CNTNAP2: variants seen among roughly 807,000 people sequenced by gnomAD.
CNTNAP2 encodes contactin associated protein 2.
CNTNAP2 carries 98 observed loss-of-function variants against 155.2 expected under a neutral mutation model. The observed-to-expected ratio is 0.63, with a 90% confidence interval of 0.54 to 0.75. The LOEUF is 0.75. CNTNAP2 is among the 30% of genes least tolerant of loss of function. CNTNAP2 has a pLI of 0.00. For synonymous variants in CNTNAP2, 651 were observed against 631.2 expected, an observed-to-expected ratio of 1.03 and a Z score of -0.47; for missense variants, 1,727 against 1,688.1, an observed-to-expected ratio of 1.02 and a Z score of -0.40.
intron 8 of CNTNAP2, among the ~76,000 whole-genome samples, chr7:147,297,606 A>G (rs1362036871): frequency 6.6e-6 from 1 of 152,218 alleles, no homozygotes; most frequent in South Asian, 2.1e-4. Context: ...GAGGCATTCC[A>G]GATGGTTCAC....
intron 14 of CNTNAP2, among the ~76,000 whole-genome samples, chr7:147,948,802 G>A (rs1800867687): frequency 6.6e-6 from 1 of 151,800 alleles, no homozygotes; most frequent in Non-Finnish European, 1.5e-5. Flanking sequence ...CCGTTGACTG[G>A]AAACCTTACC....
intron 1 of CNTNAP2, among the ~76,000 whole-genome samples, chr7:146,590,793 A>C (rs1368398527): frequency 2.0e-5 from 3 of 152,196 alleles, no homozygotes; most frequent in Non-Finnish European, 4.4e-5. Context: ...ATCACACAGC[A>C]TGGTAGGCAG....
chr7:146,415,627 C>T (rs1014949676), intron 1 of CNTNAP2, among the ~76,000 whole-genome samples: 2 of 108,906 alleles, frequency 1.8e-5, no homozygotes, highest in African/African-American at 1.4e-4. Context: ...TTTAAGAAAC[C>T]TGTAATTAAG....
intron 17 of CNTNAP2, among the ~76,000 whole-genome samples, chr7:148,170,827 C>A (rs982906266): frequency 6.6e-6 from 1 of 152,306 alleles, no homozygotes; most frequent in African/African-American, 2.4e-5. Flanking sequence ...TATGACTTTT[C>A]TTAAGATAAT....
intron 10 of CNTNAP2, among the ~76,000 whole-genome samples, chr7:147,435,060 G>A (rs188046074): frequency 9.9e-5 from 15 of 152,250 alleles, no homozygotes; most frequent in Non-Finnish European, 2.2e-4. Context: ...TCGTTATATT[G>A]ATTCATACAA....
intron 21 of CNTNAP2, among the ~76,000 whole-genome samples, chr7:148,345,512 G>A (rs1184968277): frequency 2.6e-5 from 4 of 151,918 alleles, no homozygotes; most frequent in African/African-American, 9.7e-5. Flanking sequence ...ACAGGCACCC[G>A]CCACCATGCC....
chr7:148,265,723 T>A (rs776260794), intron 20 of CNTNAP2, among the ~76,000 whole-genome samples: 2 of 152,192 alleles, frequency 1.3e-5, no homozygotes, highest in Admixed American at 6.5e-5. Flanking sequence ...ACTGTACCAG[T>A]TCTGTGGGTC....
At chr7:147,431,951 C>T (rs1797473169) in intron 10 of CNTNAP2, among the ~76,000 whole-genome samples, 1 of 152,148 alleles carries the variant, frequency 6.6e-6, no homozygotes, top group African/African-American at 2.4e-5. Context: ...AAATTTAATT[C>T]CCAGTGAAGA....
At position 147,465,669 on chromosome 7, in the gene CNTNAP2, C is replaced by T. The variant is rs139230671; in HGVS notation, c.1671-20266C>T. ...GTATCATTTAAAAAGTTATTAGATCCGCTGGCTTGATGGGGTCAATTCCAG... is the reference window on the plus strand; with the variant it reads ...GTATCATTTAAAAAGTTATTAGATCTGCTGGCTTGATGGGGTCAATTCCAG... On this transcript the variant is annotated intron_variant, in intron 10 of 23. Coordinates refer to ENST00000361727, the MANE Select transcript of CNTNAP2 (RefSeq NM_014141.6). 1.8e-3 allele frequency among the ~76,000 whole-genome samples: 281 copies of T among 152,266 alleles called. 1 individual carries two copies. The highest frequency in any genetic ancestry group is 5.8e-3 in the African/African-American group (241 of 41,558).
intron 4 of CNTNAP2, among the ~76,000 whole-genome samples, chr7:147,087,859 C>T (rs1800313360): frequency 6.6e-6 from 1 of 152,102 alleles, no homozygotes; most frequent in African/African-American, 2.4e-5. Context: ...CACCTGTAGT[C>T]CCAGCTACTT....
intron 13 of CNTNAP2, among the ~76,000 whole-genome samples, chr7:147,895,324 T>C (rs1799760322): frequency 6.6e-6 from 1 of 152,134 alleles, no homozygotes; most frequent in African/African-American, 2.4e-5. Flanking sequence ...TTCTAGCCTA[T>C]TTTCTTTCTC....
chr7:146,948,322 AT>A (rs1269767514), intron 3 of CNTNAP2, among the ~76,000 whole-genome samples: 4 of 152,326 alleles, frequency 2.6e-5, no homozygotes, highest in African/African-American at 9.6e-5. Flanking sequence ...CAGAAAAATT[AT>A]TTTTGACAGA....
At chr7:147,399,148 C>T (rs1025677467) in intron 10 of CNTNAP2, among the ~76,000 whole-genome samples, 7 of 152,008 alleles carry the variant, frequency 4.6e-5, no homozygotes, top group Admixed American at 2.6e-4. Flanking sequence ...TGGCAAGTTT[C>T]GGGAGGTCAA....
chr7:146,473,732 C>T (rs1012078321), intron 1 of CNTNAP2, among the ~76,000 whole-genome samples: 8 of 152,036 alleles, frequency 5.3e-5, no homozygotes, highest in Admixed American at 1.3e-4. Context: ...AATTTATCTC[C>T]GAATACCTAT....
At chr7:148,183,119 G>C (rs2116706387) in intron 18 of CNTNAP2, among the ~76,000 whole-genome samples, 1 of 152,346 alleles carries the variant, frequency 6.6e-6, no homozygotes, top group South Asian at 2.1e-4. Flanking sequence ...TGGATTGCCA[G>C]CAAGGAAGGA....
rs539705534 is a variant in CNTNAP2, at chr7:146,470,133, G to A, written c.98-304138G>A. Among the ~76,000 whole-genome samples, 15 of 152,066 alleles carry A rather than the reference G, an allele frequency of 9.9e-5. No homozygotes were observed. In the East Asian group the frequency reaches 1.7e-3, roughly 18 times the overall value. On this transcript the variant is annotated intron_variant, in intron 1 of 23. Coordinates refer to ENST00000361727, the MANE Select transcript of CNTNAP2 (RefSeq NM_014141.6). ...GGATTACAGGCGTGAGCCACTGCGC[G>A]CGGCCTTAATTGACTTTTAAACTAA... is the stretch of plus-strand genomic sequence containing the variant.
chr7:147,629,403 C>CAAA (rs1437865635), intron 12 of CNTNAP2, among the ~76,000 whole-genome samples: 2 of 87,954 alleles, frequency 2.3e-5, no homozygotes, highest in African/African-American at 9.2e-5. Flanking sequence ...AACTCTGTCT[C>CAAA]AAAAATAATA....
intron 13 of CNTNAP2, among the ~76,000 whole-genome samples, chr7:147,731,017 G>A (rs1563068512): frequency 6.6e-6 from 1 of 152,114 alleles, no homozygotes; most frequent in Non-Finnish European, 1.5e-5. Context: ...AGAGAAGTGA[G>A]AAAGCTGCAG....
At chr7:146,812,600 A>G (rs1481273063) in intron 2 of CNTNAP2, among the ~76,000 whole-genome samples, 1 of 152,126 alleles carries the variant, frequency 6.6e-6, no homozygotes, top group Admixed American at 6.6e-5. Context: ...GAAGCAGAGC[A>G]TAAAAGTTTG....
Sources: allele counts gnomAD v4.1 joint callset (sites outside exome capture counted in the v4.1 genomes callset), GRCh38; gene constraint gnomAD v4.1.1; transcripts MANE v1.5; gene names NCBI Gene and HGNC (gene_info 2026-07-23, HGNC 2026-07-21).